The following FAM135A variants were observed in gnomAD, a reference collection of about 807,000 sequenced individuals.
FAM135A encodes family with sequence similarity 135 member A.
Under a neutral mutation model 146.8 loss-of-function variants are expected in FAM135A, and 79 were observed. The ratio of observed to expected loss-of-function variants is 0.54; its 90% confidence interval spans 0.45 to 0.65. FAM135A has a LOEUF of 0.65. Among genes scored for constraint, FAM135A ranks in the 30% least tolerant of loss-of-function variants. FAM135A has a pLI of 0.00. For missense variants in FAM135A, 1,623 were observed against 1,758.2 expected (o/e 0.92, Z 1.38); for synonymous variants, 562 against 603.6 (o/e 0.93, Z 1.01).
At chr6:70,456,326 A>G (rs1395090259) in intron 5 of FAM135A, among the ~76,000 whole-genome samples, 3 of 152,226 alleles carry the variant, frequency 2.0e-5, no homozygotes, top group African/African-American at 7.2e-5. Context: ...TTCTGAAACA[A>G]TAGATTTAGA....
chr6:70,453,954 T>C (rs1219380197), intron 5 of FAM135A, among the ~76,000 whole-genome samples: 2 of 152,224 alleles, frequency 1.3e-5, no homozygotes, highest in African/African-American at 4.8e-5. Flanking sequence ...GGTCAAACGA[T>C]ATTTCTAGTT....
At chr6:70,485,990 T>G (rs908929276) in intron 10 of FAM135A, among the ~76,000 whole-genome samples, 4 of 152,242 alleles carry the variant, frequency 2.6e-5, no homozygotes, top group Non-Finnish European at 5.9e-5. Context: ...ACATTTAAAT[T>G]AAAAAACCAA....
At chr6:70,516,221 C>T (rs1792177687) in intron 12 of FAM135A, among the ~76,000 whole-genome samples, 1 of 152,120 alleles carries the variant, frequency 6.6e-6, no homozygotes, top group South Asian at 2.1e-4. Context: ...TAGATCAGTG[C>T]TGAATGAGGT....
chr6:70,478,618 G>A (rs886477145), intron 8 of FAM135A, among the ~76,000 whole-genome samples: 3 of 152,008 alleles, frequency 2.0e-5, no homozygotes, highest in African/African-American at 4.8e-5. Flanking sequence ...CTTTCATTCT[G>A]TTGCTCTCTC....
chr6:70,558,395 T>G (rs1289330081), intron 21 of FAM135A, among the ~76,000 whole-genome samples: 1 of 152,266 alleles, frequency 6.6e-6, no homozygotes, highest in Non-Finnish European at 1.5e-5. Context: ...TATATAGTAA[T>G]GCATAAGCAT....
intron 12 of FAM135A, among the ~76,000 whole-genome samples, chr6:70,514,302 T>C (rs1056914116): frequency 1.3e-5 from 2 of 152,178 alleles, no homozygotes; most frequent in African/African-American, 4.8e-5. Flanking sequence ...ACTTCAGATA[T>C]TATATATTTT....
intron 20 of FAM135A, among the ~76,000 whole-genome samples, chr6:70,540,387 C>T (rs1181933601): frequency 2.1e-5 from 3 of 142,710 alleles, no homozygotes; most frequent in Non-Finnish European, 3.0e-5. Context: ...TGCAGTGGCA[C>T]GATCTCGGCT....
At chr6:70,422,986 C>T (rs1401947115) in intron 2 of FAM135A, among the ~76,000 whole-genome samples, 1 of 151,964 alleles carries the variant, frequency 6.6e-6, no homozygotes, top group Non-Finnish European at 1.5e-5. Context: ...TATGGTATGC[C>T]AGGAATAAAG....
chr6:70,527,934 A>T (rs889158015), intron 15 of FAM135A, among the ~76,000 whole-genome samples: 1 of 152,188 alleles, frequency 6.6e-6, no homozygotes, highest in African/African-American at 2.4e-5. Context: ...ATTACAGGAT[A>T]AACATCAGAT....
In FAM135A at chr6:70,492,861, A is replaced by G. The variant is rs182485639; in HGVS notation, c.873+1778A>G. Among the ~76,000 whole-genome samples the G allele has an allele frequency of 9.2e-5, 14 of 152,176 alleles. No homozygotes were observed. In the East Asian group the frequency reaches 2.5e-3, roughly 27 times the overall value. On this transcript the variant is annotated intron_variant, in intron 11 of 21. Coordinates refer to ENST00000418814, the MANE Select transcript of FAM135A (RefSeq NM_001162529.3). ...TTTGTAAGAGTGTAGTGAAACTAGT[A>G]TCTGCATACCCTGTTGGTGATGGTA...
chr6:70,441,431 T>C (rs1481771615), intron 4 of FAM135A, among the ~76,000 whole-genome samples: 1 of 152,052 alleles, frequency 6.6e-6, no homozygotes, highest in African/African-American at 2.4e-5. Context: ...TTCTGATGCT[T>C]AGAGGGAGCC....
At chr6:70,517,429 T>C (rs1792534407) in intron 12 of FAM135A, among the ~76,000 whole-genome samples, 1 of 150,892 alleles carries the variant, frequency 6.6e-6, no homozygotes. Context: ...TTTTTTTTTT[T>C]TTTTTTTAGA....
intron 5 of FAM135A, among the ~76,000 whole-genome samples, chr6:70,472,230 G>A (rs1405680552): frequency 6.6e-6 from 1 of 152,116 alleles, no homozygotes; most frequent in East Asian, 1.9e-4. Context: ...TCAGGCAGTG[G>A]ATTCTCACCT....
intron 4 of FAM135A, among the ~76,000 whole-genome samples, chr6:70,450,732 T>G (rs1482557424): frequency 5.8e-4 from 42 of 72,564 alleles, no homozygotes; most frequent in East Asian, 2.1e-3. Flanking sequence ...TTTTTTTTTT[T>G]TTTTTTTTTT....
chr6:70,495,617 C>T (rs1404816742), intron 11 of FAM135A, among the ~76,000 whole-genome samples: 1 of 152,050 alleles, frequency 6.6e-6, no homozygotes, highest in African/African-American at 2.4e-5. Flanking sequence ...CATACACATA[C>T]ACAGAAATAT....
At chr6:70,417,586 A>G (rs972632982) in intron 2 of FAM135A, 2 of 983,592 alleles carry the variant, frequency 2.0e-6, no homozygotes, top group African/African-American at 1.7e-5. Context: ...CTGAACTAGA[A>G]TAAGTATTCC....
chr6:70,428,004 A>G (rs866546792), intron 3 of FAM135A, among the ~76,000 whole-genome samples: 2 of 152,178 alleles, frequency 1.3e-5, no homozygotes, highest in South Asian at 2.1e-4. Flanking sequence ...TATAAGAGAT[A>G]AAGTTGAGTT....
chr6:70,512,430 A>G (rs1308402741), intron 12 of FAM135A, among the ~76,000 whole-genome samples: 1 of 151,858 alleles, frequency 6.6e-6, no homozygotes, highest in Non-Finnish European at 1.5e-5. Context: ...AACTTAATAA[A>G]AAATCATTTT....
intron 20 of FAM135A, among the ~76,000 whole-genome samples, chr6:70,548,024 A>T (rs1468678668): frequency 3.3e-5 from 5 of 152,198 alleles, no homozygotes; most frequent in Admixed American, 2.0e-4. Flanking sequence ...TGTAGAAAAG[A>T]TAAACCTAGA....
Sources: gnomAD v4.1 joint callset for allele counts (sites outside exome capture counted in the v4.1 genomes callset) on GRCh38, gnomAD v4.1.1 for gene constraint, MANE v1.5 for transcripts, NCBI Gene and HGNC (gene_info 2026-07-23, HGNC 2026-07-21) for gene names.